Variants in CDC42BPA observed in about 807,000 individuals in gnomAD.
CDC42BPA encodes the protein serine/threonine-protein kinase MRCK alpha.
In CDC42BPA, 80 loss-of-function variants were observed where a neutral mutation model predicts 223.5. The observed-to-expected ratio is 0.36, with a 90% CI of 0.30 to 0.43. The LOEUF (loss-of-function observed/expected upper bound fraction) is 0.43. CDC42BPA is among the 20% of genes least tolerant of loss of function. The pLI is 1.00. For synonymous variants in CDC42BPA, 694 were observed against 718.6 expected (o/e 0.97, Z 0.55); for missense variants, 1,743 against 2,099.9 (o/e 0.83, Z 3.32).
intron 21 of CDC42BPA, among the ~76,000 whole-genome samples, chr1:227,066,588 T>A (rs1281745425): frequency 2.6e-5 from 4 of 152,030 alleles, no homozygotes; most frequent in African/African-American, 7.2e-5. Flanking sequence ...GGAAGGGAGA[T>A]CATAGGTACA....
At chr1:227,002,753 T>G (rs1414151163) in intron 35 of CDC42BPA, among the ~76,000 whole-genome samples, 2 of 152,066 alleles carry the variant, frequency 1.3e-5, no homozygotes, top group Non-Finnish European at 2.9e-5. Context: ...CAACCAACAG[T>G]CAGTGAGGAA....
chr1:227,305,643 AT>A (rs1337439098), intron 1 of CDC42BPA, among the ~76,000 whole-genome samples: 1 of 152,076 alleles, frequency 6.6e-6, no homozygotes, highest in Non-Finnish European at 1.5e-5. Flanking sequence ...CCATCATCAA[AT>A]TTGACACCAC....
chr1:227,133,223 G>GC (rs1380864641), intron 10 of CDC42BPA, among the ~76,000 whole-genome samples: 2 of 148,342 alleles, frequency 1.3e-5, no homozygotes, highest in Non-Finnish European at 3.0e-5. Context: ...GGGGGGGTCA[G>GC]CCCCCCGCCC....
At chr1:227,161,503 T>C (rs920833794) in intron 5 of CDC42BPA, among the ~76,000 whole-genome samples, 3 of 152,322 alleles carry the variant, frequency 2.0e-5, no homozygotes, top group South Asian at 2.1e-4. Flanking sequence ...TACTTTAACC[T>C]GAATAATGCC....
intron 2 of CDC42BPA, among the ~76,000 whole-genome samples, chr1:227,243,129 A>C (rs1025670675): frequency 6.6e-6 from 1 of 152,212 alleles, no homozygotes; most frequent in African/African-American, 2.4e-5. Flanking sequence ...TGATGAGTAC[A>C]CATGGACACA....
At chr1:227,057,652 T>G (rs1337810100) in intron 21 of CDC42BPA, among the ~76,000 whole-genome samples, 1 of 152,160 alleles carries the variant, frequency 6.6e-6, no homozygotes, top group Non-Finnish European at 1.5e-5. Flanking sequence ...AAAGAAAAAT[T>G]GAAGGAGGCC....
rs544030896 is a variant in CDC42BPA at position 227,265,015 on chromosome 1, T to C, written c.179-10860A>G. On this transcript the variant is annotated intron_variant, in intron 1 of 36. Coordinates refer to ENST00000366766, the MANE Select transcript of CDC42BPA (RefSeq NM_001394014.1). The stretch of plus-strand genomic sequence containing the variant: ...TTTTTCTTACATTCTTTCTGCAATT[T>C]CTGTCATCACACTGAGGATTTGGCT... The C allele has an allele frequency of 4.7e-5, 38 of 807,550 alleles. No individual in the cohort carries two copies. The African/African-American group carries it at 5.5e-4, about 12-fold the overall frequency. 50.0% of individuals were successfully genotyped at this position (807,550 alleles called of 1,614,324 possible).
chr1:227,116,651 C>G (rs1258939393), intron 12 of CDC42BPA, among the ~76,000 whole-genome samples: 7 of 152,082 alleles, frequency 4.6e-5, no homozygotes, highest in African/African-American at 1.7e-4. Context: ...GGAGAGATAT[C>G]ATGTTTACAA....
chr1:227,128,405 A>G (rs546058699), intron 11 of CDC42BPA, among the ~76,000 whole-genome samples: 3 of 152,136 alleles, frequency 2.0e-5, no homozygotes, highest in Non-Finnish European at 4.4e-5. Flanking sequence ...TAAAGCACTT[A>G]TTACCTTCCA....
intron 1 of CDC42BPA, among the ~76,000 whole-genome samples, chr1:227,266,126 T>C (rs1439298191): frequency 1.3e-5 from 2 of 152,184 alleles, no homozygotes; most frequent in Non-Finnish European, 2.9e-5. Flanking sequence ...TTACCCCAGA[T>C]GATGAATTAT....
rs932613425 is a variant in CDC42BPA, at chr1:227,240,790, GA to G, written c.270+13273del. Among the ~76,000 whole-genome samples, 610 of 145,060 alleles carry G rather than the reference GA, an allele frequency of 4.2e-3. 1 individual carries two copies. Among genetic ancestry groups the G allele is most frequent in the Middle Eastern group, 0.01 (3 of 288 alleles). ...AGTAGCTAAAAATAGAAGGCTTTTA[GA>G]AAAAAAAAACATAGATATCTTTGTG... On this transcript the variant is annotated intron_variant, in intron 2 of 36. Transcript: ENST00000366766.
At chr1:227,311,939 CGT>C (rs1488780392) in intron 1 of CDC42BPA, among the ~76,000 whole-genome samples, 1 of 152,144 alleles carries the variant, frequency 6.6e-6, no homozygotes, top group Non-Finnish European at 1.5e-5. Context: ...CCTAATCTAT[CGT>C]GTGTCCTTTT....
intron 3 of CDC42BPA, among the ~76,000 whole-genome samples, chr1:227,200,430 T>TAAAA (rs1472043982): frequency 1.1e-5 from 1 of 93,756 alleles, no homozygotes; most frequent in Non-Finnish European, 2.2e-5. Context: ...GACCTTGCCT[T>TAAAA]AAAAAACAAA....
rs530742337 is a variant in CDC42BPA at position 227,082,556 on chromosome 1, T to TA, written c.2356-1540dup. On this transcript the variant is annotated intron_variant, in intron 16 of 36. Transcript: ENST00000366766. The stretch of plus-strand genomic sequence containing the variant: ...AGTGAAACCCCGTCTCTACTAAAAA[T>TA]AAAAAAAAATTAGCCAGACGTGGTG... Among the ~76,000 whole-genome samples, 1,085 of 149,776 alleles carry TA rather than the reference T, an allele frequency of 7.2e-3. 11 individuals are homozygous for TA. The highest frequency in any genetic ancestry group is 9.4e-3 in the Non-Finnish European group (631 of 67,320).
chr1:227,059,484 T>C, intron 21 of CDC42BPA: 2 of 1,297,262 alleles, frequency 1.5e-6, no homozygotes, highest in South Asian at 1.3e-5. Flanking sequence ...ACTACTATTG[T>C]ATTAACAGAC....
rs1666239847 is a variant in CDC42BPA at position 227,016,321 on chromosome 1, A to G, written c.4740-124T>C. On this transcript the variant is annotated intron_variant, in intron 33 of 36. Coordinates refer to ENST00000366766, the MANE Select transcript of CDC42BPA (RefSeq NM_001394014.1). ...TTAAATCACATTAATAAGAATATAG[A>G]GTAACAGAATATACTCAATTAAAAA... 3.7e-5 allele frequency: 25 copies of G among 672,294 alleles called. No individual in the cohort carries two copies. The South Asian group carries it at 4.1e-4, about 11-fold the overall frequency. The allele number at this position is 672,294 out of a possible 1,614,324, so 41.6% of individuals were successfully genotyped here. A position where few individuals can be genotyped will look rare whatever the true frequency, so the allele number is the denominator to read the frequency against.
At chr1:227,117,448 C>T (rs1177754571) in intron 12 of CDC42BPA, among the ~76,000 whole-genome samples, 1 of 151,922 alleles carries the variant, frequency 6.6e-6, no homozygotes, top group Non-Finnish European at 1.5e-5. Flanking sequence ...TCCTGAGCAG[C>T]TGGGATGACA....
At chr1:227,222,674 G>C (rs1676153939) in intron 2 of CDC42BPA, among the ~76,000 whole-genome samples, 1 of 152,186 alleles carries the variant, frequency 6.6e-6, no homozygotes, top group Non-Finnish European at 1.5e-5. Context: ...CACTCAGTCT[G>C]TTAGCATTAG....
At position 227,261,124 on chromosome 1, in the gene CDC42BPA, C is replaced by CTTTCTTTTTTTTTTTTTTTTTTT. The variant is rs386417862; in HGVS notation, c.179-6970_179-6969insAAAAAAAAAAAAAAAAAAAGAAA. Among the ~76,000 whole-genome samples the CTTTCTTTTTTTTTTTTTTTTTTT allele has an allele frequency of 3.6e-4, 44 of 121,000 alleles. 1 individual carries two copies. The highest frequency in any genetic ancestry group is 8.0e-4 in the African/African-American group (25 of 31,364). 79.4% of individuals were successfully genotyped at this position (121,000 alleles called of 152,430 possible). On this transcript the variant is annotated intron_variant, in intron 1 of 36. Transcript: ENST00000366766. ...TTTTTAACAGAATAATTGAGTTTTT[C>CTTTCTTTTTTTTTTTTTTTTTTT]TTTTTTTTTGAGACAGAGTCTCGCT...
Sources: gnomAD v4.1 joint callset for allele counts (sites outside exome capture counted in the v4.1 genomes callset) on GRCh38, gnomAD v4.1.1 for gene constraint, MANE v1.5 for transcripts, NCBI Gene and HGNC (gene_info 2026-07-23, HGNC 2026-07-21) for gene names.